The following ST3GAL3 variants were observed in gnomAD, a reference collection of about 807,000 sequenced individuals.
ST3GAL3 encodes ST3 beta-galactoside alpha-2,3-sialyltransferase 3, also known as CMP-N-acetylneuraminate-beta-1,4-galactoside alpha-2,3-sialyltransferase.
ST3GAL3 carries 21 observed loss-of-function variants against 50.1 expected under a neutral mutation model. The observed-to-expected ratio is 0.42, with a 90% CI of 0.30 to 0.60. ST3GAL3 has a LOEUF of 0.60. Among genes scored for constraint, ST3GAL3 ranks in the 20% least tolerant of loss-of-function variants. The pLI is 0.19. For synonymous variants in ST3GAL3, 183 were observed against 190.0 expected (o/e 0.96, Z 0.30); for missense variants, 353 against 489.4 (o/e 0.72, Z 2.63).
At chr1:43,865,469 T>C (rs1298386952) in intron 5 of ST3GAL3, among the ~76,000 whole-genome samples, 1 of 152,164 alleles carries the variant, frequency 6.6e-6, no homozygotes, top group Non-Finnish European at 1.5e-5. Flanking sequence ...TAAACTTCCT[T>C]CCCTCCCCTT....
chr1:43,795,608 C>T lies in ST3GAL3; in HGVS notation c.166+3459C>T, dbSNP rs570276724. ...TTACAAAGCGCTGGGCATACCACAT[C>T]GCCAAAAACGTTTTAGAACTTTAGC... On this transcript the variant is annotated intron_variant, in intron 3 of 11. Transcript: ENST00000347631. Among the ~76,000 whole-genome samples, 10 of 152,306 alleles carry T rather than the reference C, an allele frequency of 6.6e-5. No homozygotes were observed. In the South Asian group the frequency reaches 1.2e-3, roughly 19 times the overall value.
chr1:43,810,009 A>AG (rs2060358020), intron 3 of ST3GAL3, among the ~76,000 whole-genome samples: 1 of 146,412 alleles, frequency 6.8e-6, no homozygotes, highest in African/African-American at 2.5e-5. Context: ...AAAAAAAAAA[A>AG]GAAAGAAAGA....
At chr1:43,878,069 G>A (rs1326220749) in intron 5 of ST3GAL3, among the ~76,000 whole-genome samples, 1 of 152,162 alleles carries the variant, frequency 6.6e-6, no homozygotes, top group Non-Finnish European at 1.5e-5. Context: ...AGCAGGGCTG[G>A]GCTCCCTCCA....
intron 1 of ST3GAL3, among the ~76,000 whole-genome samples, chr1:43,713,161 G>C (rs6429635): frequency 0.42 from 64,510 of 152,048 alleles, 13,952 homozygotes; most frequent in East Asian, 0.49. Flanking sequence ...AGTTACGCTG[G>C]TGCAACATGT....
intron 5 of ST3GAL3, chr1:43,838,536 G>T (rs868119073): frequency 3.9e-6 from 2 of 518,424 alleles, no homozygotes; most frequent in African/African-American, 1.9e-5. Context: ...GGCACAGCCT[G>T]TTTCTGCAGA....
intron 1 of ST3GAL3, among the ~76,000 whole-genome samples, chr1:43,732,649 A>G (rs1676445374): frequency 6.6e-6 from 1 of 152,168 alleles, no homozygotes; most frequent in African/African-American, 2.4e-5. Flanking sequence ...TAAGACCTCA[A>G]TGGATGTGAC....
chr1:43,721,421 C>G (rs1056236259), intron 1 of ST3GAL3, among the ~76,000 whole-genome samples: 2 of 151,106 alleles, frequency 1.3e-5, no homozygotes, highest in Admixed American at 6.6e-5. Flanking sequence ...TCTCCTGCCT[C>G]AGCCTCCCAA....
chr1:43,786,077 A>C (rs1026068542), intron 2 of ST3GAL3, among the ~76,000 whole-genome samples: 2 of 151,672 alleles, frequency 1.3e-5, no homozygotes, highest in East Asian at 3.9e-4. Flanking sequence ...GGTTCAGGCC[A>C]CCATCAGTTC....
chr1:43,754,936 A>C (rs1028608207), intron 2 of ST3GAL3, among the ~76,000 whole-genome samples: 3 of 152,138 alleles, frequency 2.0e-5, no homozygotes, highest in South Asian at 4.1e-4. Flanking sequence ...AAAAAAAAAA[A>C]CATAATAAAA....
intron 5 of ST3GAL3, among the ~76,000 whole-genome samples, chr1:43,887,113 G>A (rs1187490654): frequency 6.6e-6 from 1 of 152,174 alleles, no homozygotes; most frequent in Admixed American, 6.5e-5. Flanking sequence ...AAGAGAGTTG[G>A]AAAAGGATAG....
At chr1:43,919,114 G>C (rs1302634882) in intron 9 of ST3GAL3, 1 of 105,418 alleles carries the variant, frequency 9.5e-6, no homozygotes, top group African/African-American at 3.7e-5. Flanking sequence ...GTCTCGCTCT[G>C]TCGCCCAGGC....
intron 2 of ST3GAL3, among the ~76,000 whole-genome samples, chr1:43,765,751 GTC>G (rs1385183102): frequency 0.2 from 12,217 of 62,618 alleles, 1,428 homozygotes; most frequent in African/African-American, 0.41. Flanking sequence ...GTCTGTGTGT[GTC>G]TGTGTGTGTG....
intron 5 of ST3GAL3, among the ~76,000 whole-genome samples, chr1:43,854,673 C>A (rs2154217670): frequency 6.6e-6 from 1 of 152,358 alleles, no homozygotes; most frequent in East Asian, 1.9e-4. Context: ...TCCTGCTGGA[C>A]AGCTCCACTT....
intron 4 of ST3GAL3, among the ~76,000 whole-genome samples, chr1:43,822,846 C>T (rs1296418635): frequency 1.3e-5 from 2 of 152,172 alleles, no homozygotes; most frequent in Non-Finnish European, 2.9e-5. Flanking sequence ...TTGCTTCCTT[C>T]ATTTGGATAT....
chr1:43,917,210 C>T lies in ST3GAL3; in HGVS notation c.745-3194C>T, dbSNP rs1044909907. ...CAAGATATAGATACACAAATATACA[C>T]ATACACAGATTTTAATGGTTAAAAA... On this transcript the variant is annotated intron_variant, in intron 9 of 11. Transcript: ENST00000347631. Among the ~76,000 whole-genome samples, 8 of 151,678 alleles carry T rather than the reference C, an allele frequency of 5.3e-5. No individual in the cohort carries two copies. The East Asian group carries it at 9.7e-4, about 18-fold the overall frequency.
At chr1:43,861,773 A>T (rs3791090) in intron 5 of ST3GAL3, among the ~76,000 whole-genome samples, 33,576 of 152,168 alleles carry the variant, frequency 0.22, 5,030 homozygotes, top group African/African-American at 0.42. Flanking sequence ...TCACGCCTGT[A>T]ATCCCGGCAC....
chr1:43,818,110 T>C (rs2061646113), intron 4 of ST3GAL3, among the ~76,000 whole-genome samples: 1 of 152,178 alleles, frequency 6.6e-6, no homozygotes, highest in African/African-American at 2.4e-5. Context: ...AAATATTCCC[T>C]CTGCCCCACT....
At chr1:43,784,176 A>G (rs112889380) in intron 2 of ST3GAL3, among the ~76,000 whole-genome samples, 2 of 152,068 alleles carry the variant, frequency 1.3e-5, no homozygotes, top group African/African-American at 2.4e-5. Context: ...TATCTCCTCC[A>G]TATCTTCCCA....
intron 2 of ST3GAL3, among the ~76,000 whole-genome samples, chr1:43,779,685 C>T (rs1466869898): frequency 1.3e-5 from 2 of 152,222 alleles, no homozygotes; most frequent in African/African-American, 4.8e-5. Context: ...TCCTCCAATT[C>T]TTCTAATACG....
Sources: allele counts gnomAD v4.1 joint callset (sites outside exome capture counted in the v4.1 genomes callset), GRCh38; gene constraint gnomAD v4.1.1; transcripts MANE v1.5; gene names NCBI Gene and HGNC (gene_info 2026-07-23, HGNC 2026-07-21).